Variants in CDK10 observed in about 807,000 individuals in gnomAD.
CDK10 encodes the protein cyclin dependent kinase 10.
CDK10 carries 55 observed loss-of-function variants against 51.0 expected under a neutral mutation model. The ratio of observed to expected loss-of-function variants is 1.08; its 90% CI spans 0.87 to 1.35. CDK10 has a LOEUF of 1.35. CDK10 is among the 40% of genes most tolerant of loss of function. CDK10 has a pLI of 0.00. For missense variants in CDK10, 589 were observed against 485.1 expected (o/e 1.21, Z -2.01); for synonymous variants, 255 against 199.1 (o/e 1.28, Z -2.36).
rs1567525274 is a variant in CDK10 at position 89,694,873 on chromosome 16, CGCCCGCAGCCCCCGCCCG to C, written c.793-57_793-40del. The C allele has an allele frequency of 6.4e-6, 10 of 1,572,272 alleles. No individual in the cohort carries two copies. The African/African-American group carries it at 1.4e-4, about 22-fold the overall frequency. On this transcript the variant is annotated intron_variant, in intron 10 of 12. Transcript: ENST00000353379. ...CCCCCGCCCGTGCCCACGCCCTCTG[CGCCCGCAGCCCCCGCCCG>C]TGCCCACGCCCTCTGCGCCTCAGCT...
rs144667632 is a variant in CDK10, at chr16:89,691,463, C to T, written c.253C>T (p.Arg85Trp). The T allele has an allele frequency of 1.9e-6, 3 of 1,612,072 alleles. No individual in the cohort carries two copies. Among genetic ancestry groups the T allele is most frequent in the East Asian group, 2.2e-5 (1 of 44,840 alleles). ...EKDGIPISSL[R>W]EITLLLRLRH... ...CCCAGGCATCCCCATCAGCAGCTTG[C>T]GGGAGATCACGCTGCTGCTCCGCCT... The change falls in exon 4 of 13, where the codon CGG (arginine) becomes TGG (tryptophan). Residue 85 changes from arginine (R) to tryptophan (W), a missense_variant. Physicochemically the swap from Arg to Trp is moderately radical, Grantham distance 101. Transcript: ENST00000353379.
rs1208706703 is a variant in CDK10 at position 89,695,756 on chromosome 16, G to A, written c.*64G>A. 6.3e-6 allele frequency: 10 copies of A among 1,588,646 alleles called. No individual in the cohort carries two copies. In the South Asian group the frequency reaches 1.1e-4, roughly 18 times the overall value. ...CTTCCGATCAGTGGTGTCTGTGAAG[G>A]GTGCCGCGAGCCAGGCTGACCAGGC... is the stretch of plus-strand genomic sequence containing the variant. On this transcript the variant is annotated 3_prime_UTR_variant, in exon 13 of 13. Coordinates refer to ENST00000353379, the MANE Select transcript of CDK10 (RefSeq NM_052988.5).
At chr16:89,692,250 C>A in intron 5 of CDK10, 199 bp from the exon 6 acceptor site, 2 of 535,690 alleles carry the variant, frequency 3.7e-6, no homozygotes, top group Admixed American at 3.7e-5. Flanking sequence ...GAGTGCAGCC[C>A]CGGGGCCAAG....
At chr16:89,689,377 G>C (rs2060340795) in intron 2 of CDK10, 53 bp downstream of exon 2, 9 of 1,513,226 alleles carry the variant, frequency 5.9e-6, no homozygotes, top group Non-Finnish European at 8.3e-6. Context: ...GTGACAGTGT[G>C]GGACGAGACT....
chr16:89,687,204 C>G (rs1047979606), intron 1 of CDK10: 1 of 306,298 alleles, frequency 3.3e-6, no homozygotes, highest in African/African-American at 2.2e-5. Context: ...TGGGCTTGGG[C>G]TGCATGGAGC....
At chr16:89,693,350 C>A in intron 7 of CDK10, 24 bp downstream of exon 7, 2 of 1,614,126 alleles carry the variant, frequency 1.2e-6, no homozygotes, top group South Asian at 2.2e-5. Context: ...GGGCCAGGCC[C>A]TGTCCCTAGA....
At position 89,686,966 on chromosome 16, in the gene CDK10, A is replaced by G. The variant is rs951102134; in HGVS notation, c.87+169A>G. The G allele has an allele frequency of 8.8e-6, 5 of 571,412 alleles. No homozygotes were observed. In the African/African-American group the frequency reaches 1.0e-4, roughly 12 times the overall value. 35.4% of individuals were successfully genotyped at this position (571,412 alleles called of 1,614,324 possible). A position where few individuals can be genotyped will look rare whatever the true frequency, so the allele number is the denominator to read the frequency against. On this transcript the variant is annotated intron_variant, in intron 1 of 12. Coordinates refer to ENST00000353379, the MANE Select transcript of CDK10 (RefSeq NM_052988.5). ...GCGGAAGCCGGGGCGGGGCGGGCTC[A>G]GGACCCCCGACAGCCGGTCCCTGGA...
chr16:89,694,080 G>A (rs1355815636), intron 8 of CDK10, 93 bp from the exon 9 acceptor site: 18 of 1,314,920 alleles, frequency 1.4e-5, no homozygotes, highest in Non-Finnish European at 2.0e-5. Context: ...AGGTTTCCAG[G>A]CCACCACAGG....
rs1597862376 is a variant in CDK10 at position 89,693,167 on chromosome 16, C to T, written c.486-107C>T. 4.1e-6 allele frequency: 4 copies of T among 978,306 alleles called. No homozygotes were observed. In the East Asian group the frequency reaches 9.8e-5, roughly 24 times the overall value. 60.6% of individuals were successfully genotyped at this position (978,306 alleles called of 1,614,324 possible). A position where few individuals can be genotyped will look rare whatever the true frequency, so the allele number is the denominator to read the frequency against. On this transcript the variant is annotated intron_variant, in intron 6 of 12. Transcript: ENST00000353379. Reference sequence around the variant, plus strand: ...AAAAAAAAAAAAGATACTAAAAAGCCCAAAGCTGAGGAAACGTGCAGGAAG... The same window carrying T: ...AAAAAAAAAAAAGATACTAAAAAGCTCAAAGCTGAGGAAACGTGCAGGAAG...
chr16:89,693,512 C>G, intron 8 of CDK10, 45 bp downstream of exon 8: 3 of 1,585,572 alleles, frequency 1.9e-6, no homozygotes, highest in Non-Finnish European at 2.6e-6. Flanking sequence ...CCAGGCCTGT[C>G]TGGTGGAGGT....
At chr16:89,689,006 C>T (rs1007512998) in intron 1 of CDK10, among the ~76,000 whole-genome samples, 9 of 151,980 alleles carry the variant, frequency 5.9e-5, no homozygotes, top group African/African-American at 1.2e-4. Context: ...AGGCTGAGGC[C>T]GGAGAATCAC....
rs568770157 is a variant in CDK10, at chr16:89,687,576, T to A, written c.87+779T>A. The A allele has an allele frequency of 6.7e-5, 30 of 450,932 alleles. 1 individual carries two copies. Among genetic ancestry groups the A allele is most frequent in the African/African-American group, 6.0e-4 (30 of 50,060 alleles). The allele number at this position is 450,932 out of a possible 1,614,324, so 27.9% of individuals were successfully genotyped here. ...GAGTTGGCCTTTTCTTTTTTGTTGTTTTTTTGAGACAGGGTCTAGCGCTCT... is the reference window on the plus strand; with the variant it reads ...GAGTTGGCCTTTTCTTTTTTGTTGTATTTTTGAGACAGGGTCTAGCGCTCT... On this transcript the variant is annotated intron_variant, in intron 1 of 12. Coordinates refer to ENST00000353379, the MANE Select transcript of CDK10 (RefSeq NM_052988.5).
Position 89,695,869 on chromosome 16 carries a change from A to G in CDK10, c.*177A>G. The G allele has an allele frequency of 1.4e-6, 2 of 1,438,640 alleles. No homozygotes were observed. Among genetic ancestry groups the G allele is most frequent in the Middle Eastern group, 1.8e-4 (1 of 5,644 alleles). 89.1% of individuals were successfully genotyped at this position (1,438,640 alleles called of 1,614,324 possible). A position where few individuals can be genotyped will look rare whatever the true frequency, so the allele number is the denominator to read the frequency against. Reference sequence around the variant, plus strand: ...GCCCTGAACCCACTGCTGCCCCCAGAAAAAGGCCGGGTGACACCGGGGGGC... The same window carrying G: ...GCCCTGAACCCACTGCTGCCCCCAGGAAAAGGCCGGGTGACACCGGGGGGC... On this transcript the variant is annotated 3_prime_UTR_variant, in exon 13 of 13. Coordinates refer to ENST00000353379, the MANE Select transcript of CDK10 (RefSeq NM_052988.5).
At position 89,693,462 on chromosome 16, in the gene CDK10, T is replaced by A; in HGVS notation, c.603T>A (p.Thr201=). ...PVKPMTPKVV[T]LWYRAPELLL... ...AGCCAATGACCCCCAAGGTGGTCAC[T>A]CTCTGGTAAGTCCTTCTGAAGCATG... Residue 201 remains threonine, a synonymous_variant, in exon 8 of 13, where the codon ACT becomes ACA. Coordinates refer to ENST00000353379, the MANE Select transcript of CDK10 (RefSeq NM_052988.5). 1 of 1,614,102 alleles carries A rather than the reference T, an allele frequency of 6.2e-7. No homozygotes were observed. The highest frequency in any genetic ancestry group is 8.5e-7 in the Non-Finnish European group (1 of 1,180,018).
In CDK10 at chr16:89,694,742, ACTTGATCGTGCAGCTG is replaced by A; in HGVS notation, c.749_764del (p.Leu250TrpfsTer31). 1 of 1,574,948 alleles carries A rather than the reference ACTTGATCGTGCAGCTG, an allele frequency of 6.3e-7. No homozygotes were observed. The highest frequency in any genetic ancestry group is 1.2e-5 in the South Asian group (1 of 86,018). Reference sequence around the variant, plus strand: ...GGCACTTCCGAGATCCACCAGATCGACTTGATCGTGCAGCTGCTGGGCACGCCCAGTGAGAACATCT... The same window carrying A: ...GGCACTTCCGAGATCCACCAGATCGACTGGGCACGCCCAGTGAGAACATCT... On this transcript the variant is annotated frameshift_variant, in exon 10 of 13. Coordinates refer to ENST00000353379, the MANE Select transcript of CDK10 (RefSeq NM_052988.5). LOFTEE classifies it high-confidence loss of function.
At chr16:89,686,944 G>C in intron 1 of CDK10, 147 bp downstream of exon 1, 1 of 660,070 alleles carries the variant, frequency 1.5e-6, no homozygotes, top group South Asian at 2.2e-5. Flanking sequence ...GGCGGGGGCG[G>C]AAGCCGGGGC....
At chr16:89,689,216 C>A in intron 1 of CDK10, 36 bp from the exon 2 acceptor site, 1 of 1,604,606 alleles carries the variant, frequency 6.2e-7, no homozygotes, top group Non-Finnish European at 8.5e-7. Flanking sequence ...CCATCAGCTG[C>A]CAAATTTCCA....
chr16:89,694,281 A>C, intron 9 of CDK10, 49 bp downstream of exon 9: 1 of 1,582,710 alleles, frequency 6.3e-7, no homozygotes, highest in Non-Finnish European at 8.7e-7. Context: ...GGGCTGGGAC[A>C]GGAGCCGGGT....
chr16:89,693,759 C>T (rs2060564234), intron 8 of CDK10: 2 of 559,510 alleles, frequency 3.6e-6, no homozygotes, highest in Non-Finnish European at 6.4e-6. Flanking sequence ...AAGGCTGCTT[C>T]ACGGACTGAA....
Sources: gnomAD v4.1 joint callset for allele counts (sites outside exome capture counted in the v4.1 genomes callset) on GRCh38, gnomAD v4.1.1 for gene constraint, MANE v1.5 for transcripts, NCBI Gene and HGNC (gene_info 2026-07-23, HGNC 2026-07-21) for gene names.